The following FRMPD2 variants were observed in gnomAD, a reference collection of about 807,000 sequenced individuals.
FRMPD2 encodes the protein FERM and PDZ domain containing 2, also known as FERM and PDZ domain-containing protein 2.
A neutral mutation model predicts 140.1 loss-of-function variants in FRMPD2; 96 were observed. The ratio of observed to expected loss-of-function variants is 0.69; its 90% CI spans 0.58 to 0.81. FRMPD2 has a LOEUF of 0.81. Among genes scored for constraint, FRMPD2 ranks in the 40% least tolerant of loss-of-function variants. FRMPD2 has a pLI of 0.00. For missense variants in FRMPD2, 1,240 were observed against 1,447.4 expected, an observed-to-expected ratio of 0.86 and a Z score of 2.32; for synonymous variants, 449 against 547.6, an observed-to-expected ratio of 0.82 and a Z score of 2.52.
chr10:48,269,939 C>A (rs1440023794), intron 1 of FRMPD2, among the ~76,000 whole-genome samples: 2 of 152,142 alleles, frequency 1.3e-5, no homozygotes, highest in African/African-American at 4.8e-5. Flanking sequence ...TTACCACATA[C>A]CCCTCCTCAG....
chr10:48,168,301 T>C (rs1172528198), intron 27 of FRMPD2, among the ~76,000 whole-genome samples: 1 of 109,904 alleles, frequency 9.1e-6, no homozygotes, highest in Non-Finnish European at 1.8e-5. Context: ...CTGTGTCTAC[T>C]CTCCTTCTTC....
At chr10:48,218,553 T>C (rs1268851441) in intron 12 of FRMPD2, among the ~76,000 whole-genome samples, 1 of 152,092 alleles carries the variant, frequency 6.6e-6, no homozygotes, top group Non-Finnish European at 1.5e-5. Flanking sequence ...GGGGTTAGAC[T>C]CAAGTCTAAC....
chr10:48,218,461 G>A (rs1361822567), intron 12 of FRMPD2, among the ~76,000 whole-genome samples: 1 of 152,156 alleles, frequency 6.6e-6, no homozygotes, highest in Admixed American at 6.5e-5. Context: ...TTTTGAAGGA[G>A]GAAATGGGAA....
intron 12 of FRMPD2, among the ~76,000 whole-genome samples, chr10:48,215,111 G>A (rs1839415671): frequency 6.6e-6 from 1 of 152,184 alleles, no homozygotes; most frequent in African/African-American, 2.4e-5. Context: ...TTGCTTCCCT[G>A]TTTAAAATTC....
intron 2 of FRMPD2, among the ~76,000 whole-genome samples, chr10:48,249,642 C>A (rs1223669016): frequency 2.0e-5 from 3 of 152,234 alleles, no homozygotes; most frequent in African/African-American, 7.2e-5. Context: ...CCTCACAGAA[C>A]ATGTGTAATG....
At chr10:48,266,377 A>T (rs1840678221) in intron 1 of FRMPD2, among the ~76,000 whole-genome samples, 1 of 152,184 alleles carries the variant, frequency 6.6e-6, no homozygotes. Context: ...ATAAAAGTTT[A>T]AAAAGTAAAA....
chr10:48,178,453 C>A (rs1359441207), intron 21 of FRMPD2, among the ~76,000 whole-genome samples: 1 of 152,140 alleles, frequency 6.6e-6, no homozygotes, highest in Non-Finnish European at 1.5e-5. Context: ...TCCTGTCTGC[C>A]CCCTTTACTT....
At chr10:48,231,531 A>T (rs987299741) in intron 10 of FRMPD2, among the ~76,000 whole-genome samples, 4 of 152,184 alleles carry the variant, frequency 2.6e-5, no homozygotes, top group African/African-American at 9.7e-5. Context: ...CTTTGTCTAT[A>T]AAGGCTTGCC....
rs1171590182 is a variant in FRMPD2 at position 48,172,799 on chromosome 10, A to G, written c.3223+147T>C. ...CCATGAGATGGGCTTCCATGGCATGAAAAAGCAGATCTCAGCATGATCACT... is the reference window on the plus strand; with the variant it reads ...CCATGAGATGGGCTTCCATGGCATGGAAAAGCAGATCTCAGCATGATCACT... On this transcript the variant is annotated intron_variant, in intron 25 of 28. Coordinates refer to ENST00000374201, the MANE Select transcript of FRMPD2 (RefSeq NM_001018071.4). 1.6e-5 allele frequency: 12 copies of G among 766,208 alleles called. No individual in the cohort carries two copies. In the Admixed American group the frequency reaches 2.0e-4, roughly 13 times the overall value. 47.5% of individuals were successfully genotyped at this position (766,208 alleles called of 1,614,324 possible). A position where few individuals can be genotyped will look rare whatever the true frequency, so the allele number is the denominator to read the frequency against.
In FRMPD2 at chr10:48,232,138, T is replaced by C. The variant is rs776635470; in HGVS notation, c.1145A>G (p.Tyr382Cys). 1.2e-6 allele frequency: 2 copies of C among 1,614,176 alleles called. No individual in the cohort carries two copies. The highest frequency in any genetic ancestry group is 1.7e-6 in the Non-Finnish European group (2 of 1,180,030). ...TSFANLEELT[Y>C]FGLAYMKSKE... ...ACTTTTCATATACGCCAAGCCAAAGTAGGTGAGTTCCTCGAGGTTGGCAAA... is the reference window on the plus strand; with the variant it reads ...ACTTTTCATATACGCCAAGCCAAAGCAGGTGAGTTCCTCGAGGTTGGCAAA... The change falls in exon 10 of 29, where the codon TAC (tyrosine) becomes TGC (cysteine). Residue 382 changes from tyrosine (Y) to cysteine (C), a missense_variant. This residue lies in a region of FRMPD2 where 1,161 missense variants were observed against 1,055.9 expected (regional missense o/e 1.10). Transcript: ENST00000374201.
At chr10:48,232,906 C>T (rs1291597387) in intron 9 of FRMPD2, among the ~76,000 whole-genome samples, 3 of 152,166 alleles carry the variant, frequency 2.0e-5, no homozygotes, top group African/African-American at 7.2e-5. Context: ...CTTGGTTCAG[C>T]CTCCTGGATA....
chr10:48,254,187 A>G lies in FRMPD2; in HGVS notation c.26-2496T>C, dbSNP rs147457206. ...TGACCAACCACAGTGTTACGGTGGAATGTTATGATCTGTCCGCAGTGGCAA... is the reference window on the plus strand; with the variant it reads ...TGACCAACCACAGTGTTACGGTGGAGTGTTATGATCTGTCCGCAGTGGCAA... On this transcript the variant is annotated intron_variant, in intron 1 of 28. Transcript: ENST00000374201. 2.6e-4 allele frequency among the ~76,000 whole-genome samples: 40 copies of G among 152,292 alleles called. No homozygotes were observed. In the East Asian group the frequency reaches 6.4e-3, roughly 24 times the overall value.
intron 21 of FRMPD2, 70 bp from the exon 22 acceptor site, chr10:48,178,221 C>A: frequency 2.6e-6 from 3 of 1,155,044 alleles, no homozygotes; most frequent in South Asian, 1.3e-5. Flanking sequence ...TCATACTGCT[C>A]TCAGGAGCAG....
intron 2 of FRMPD2, 104 bp downstream of exon 2, chr10:48,251,462 C>T: frequency 7.1e-7 from 1 of 1,409,986 alleles, no homozygotes; most frequent in Non-Finnish European, 9.7e-7. Context: ...GTTCTGTGCT[C>T]TCAGAGGTTG....
intron 23 of FRMPD2, 106 bp from the exon 24 acceptor site, chr10:48,175,061 G>A: frequency 1.8e-6 from 1 of 560,312 alleles, no homozygotes; most frequent in African/African-American, 2.0e-5. Flanking sequence ...CTGGAGAAGT[G>A]GGAAAGGAAG....
intron 10 of FRMPD2, among the ~76,000 whole-genome samples, chr10:48,224,752 C>A (rs1036236451): frequency 2.6e-5 from 4 of 152,106 alleles, no homozygotes; most frequent in Admixed American, 2.6e-4. Context: ...CTCAGGATGG[C>A]CACCTGATTG....
In FRMPD2 at chr10:48,184,820, A is replaced by G; in HGVS notation, c.2421T>C (p.Ser807=). The G allele has an allele frequency of 1.2e-6, 2 of 1,613,966 alleles. No homozygotes were observed. Among genetic ancestry groups the G allele is most frequent in the East Asian group, 2.2e-5 (1 of 44,836 alleles). ...GQADPGIFIS[S]IIPGGPAEKA... is the part of the protein sequence containing the mutation. ...TTTCTGCTGGTCCTCCAGGTATAAT[A>G]GAAGATATAAAAATGCCAGGGTCAG... is the stretch of plus-strand genomic sequence containing the variant. Residue 807 remains serine, a synonymous_variant, in exon 19 of 29, where the codon TCT becomes TCC. Transcript: ENST00000374201.
In FRMPD2 at chr10:48,176,068, T is replaced by A. The variant is rs138765276; in HGVS notation, c.2896-129A>T. ...ATGACCTTACCTCCGACTGGCACTGTCTTCTGTATTCACCTGTTCGTTTAG... is the reference window on the plus strand; with the variant it reads ...ATGACCTTACCTCCGACTGGCACTGACTTCTGTATTCACCTGTTCGTTTAG... On this transcript the variant is annotated intron_variant, in intron 22 of 28. Transcript: ENST00000374201. 5,605 of 653,412 alleles carry A rather than the reference T, an allele frequency of 8.6e-3. 141 individuals are homozygous for A. In the African/African-American group the frequency reaches 0.089, roughly 10 times the overall value. The allele number at this position is 653,412 out of a possible 1,614,324, so 40.5% of individuals were successfully genotyped here. A position where few individuals can be genotyped will look rare whatever the true frequency, so the allele number is the denominator to read the frequency against.
chr10:48,243,918 G>A (rs1840184114), intron 4 of FRMPD2, among the ~76,000 whole-genome samples: 1 of 152,228 alleles, frequency 6.6e-6, no homozygotes, highest in African/African-American at 2.4e-5. Context: ...GTATCAGATG[G>A]AAATGTACAC....
Sources: gnomAD v4.1 joint callset for allele counts (sites outside exome capture counted in the v4.1 genomes callset) on GRCh38, gnomAD v4.1.1 for gene constraint, gnomAD v4.1.1 regional missense constraint, MANE v1.5 for transcripts, NCBI Gene and HGNC (gene_info 2026-07-23, HGNC 2026-07-21) for gene names.